G3BP2: variants seen among roughly 807,000 people sequenced by gnomAD.
The protein encoded by G3BP2 is ras GTPase-activating protein-binding protein 2.
A neutral mutation model predicts 56.7 loss-of-function variants in G3BP2; 11 were observed. The observed-to-expected ratio is 0.19, with a 90% confidence interval of 0.12 to 0.32. The LOEUF (loss-of-function observed/expected upper bound fraction) is 0.32. G3BP2 is among the 10% of genes least tolerant of loss of function. The pLI, the probability that G3BP2 is intolerant of heterozygous loss-of-function variation, is 1.00. For missense variants in G3BP2, 340 were observed against 610.9 expected, an observed-to-expected ratio of 0.56 and a Z score of 4.67; for synonymous variants, 165 against 191.6, an observed-to-expected ratio of 0.86 and a Z score of 1.15.
At chr4:75,681,576 G>A (rs150391219) in intron 3 of G3BP2, among the ~76,000 whole-genome samples, 1,848 of 152,134 alleles carry the variant, frequency 0.012, 42 homozygotes, top group African/African-American at 0.043. Context: ...CAGGCCAGGC[G>A]TGGTGGCTCA....
At chr4:75,653,274 T>G (rs1213499916) in intron 8 of G3BP2, among the ~76,000 whole-genome samples, 1 of 152,168 alleles carries the variant, frequency 6.6e-6, no homozygotes, top group Non-Finnish European at 1.5e-5. Flanking sequence ...TCTAGTGGAA[T>G]GAAGTTTAAT....
chr4:75,686,829 T>C (rs1187571338), intron 3 of G3BP2, among the ~76,000 whole-genome samples: 1 of 152,224 alleles, frequency 6.6e-6, no homozygotes, highest in Non-Finnish European at 1.5e-5. Flanking sequence ...CCTATTTCTA[T>C]GGTGAGCAAA....
In G3BP2 at chr4:75,695,261, G is replaced by A. The variant is rs538807006; in HGVS notation, c.-25+25616C>T. On this transcript the variant is annotated intron_variant, in intron 3 of 3. Coordinates refer to the G3BP2 transcript ENST00000499709. ...TGGCTGCAGCCACTCAGGTGCCCCA[G>A]GGTCCATTCAGGCCTGCCTGATTTG... is the stretch of plus-strand genomic sequence containing the variant. Among the ~76,000 whole-genome samples the A allele has an allele frequency of 2.0e-4, 30 of 152,308 alleles. No homozygotes were observed. In the East Asian group the frequency reaches 5.6e-3, roughly 28 times the overall value.
chr4:75,713,831 G>A (rs1203080127), intron 3 of G3BP2, among the ~76,000 whole-genome samples: 2 of 152,022 alleles, frequency 1.3e-5, no homozygotes, highest in Non-Finnish European at 2.9e-5. Flanking sequence ...ACTAATAATG[G>A]GAAAAATAGA....
intron 3 of G3BP2, among the ~76,000 whole-genome samples, chr4:75,701,420 C>G (rs1719338544): frequency 1.7e-5 from 1 of 59,356 alleles, no homozygotes; most frequent in Admixed American, 2.0e-4. Flanking sequence ...GCCACCACAC[C>G]TGGCTAATTT....
intron 3 of G3BP2, among the ~76,000 whole-genome samples, chr4:75,717,150 A>C (rs1719959148): frequency 6.6e-6 from 1 of 152,012 alleles, no homozygotes; most frequent in South Asian, 2.1e-4. Context: ...TCATTAAAAA[A>C]CTGGAATTAT....
At chr4:75,706,591 C>T (rs1368409416) in intron 3 of G3BP2, among the ~76,000 whole-genome samples, 3 of 150,388 alleles carry the variant, frequency 2.0e-5, no homozygotes, top group Admixed American at 6.7e-5. Flanking sequence ...GTAGTAGAAT[C>T]GCTTGAACCT....
At chr4:75,679,181 A>G (rs1256395866) in intron 3 of G3BP2, among the ~76,000 whole-genome samples, 3 of 152,206 alleles carry the variant, frequency 2.0e-5, no homozygotes, top group South Asian at 4.1e-4. Context: ...ATGAACTTTT[A>G]TAGACTTTGA....
intron 3 of G3BP2, among the ~76,000 whole-genome samples, chr4:75,700,135 C>A (rs1719281310): frequency 6.6e-6 from 1 of 152,012 alleles, no homozygotes; most frequent in Non-Finnish European, 1.5e-5. Context: ...CTCACTGCAA[C>A]CTCTGACTCC....
intron 11 of G3BP2, among the ~76,000 whole-genome samples, chr4:75,645,932 T>C (rs575936438): frequency 6.6e-6 from 1 of 152,172 alleles, no homozygotes; most frequent in East Asian, 1.9e-4. Flanking sequence ...CACCTCAGCC[T>C]CCTGAGTAGC....
intron 3 of G3BP2, among the ~76,000 whole-genome samples, chr4:75,690,043 CT>C (rs1426413738): frequency 6.6e-6 from 1 of 152,116 alleles, no homozygotes; most frequent in South Asian, 2.1e-4. Context: ...ATGGTTTATG[CT>C]TTTTTCTGTA....
chr4:75,646,895 T>G (rs747976721), intron 10 of G3BP2, 134 bp downstream of exon 10: 1 of 581,236 alleles, frequency 1.7e-6, no homozygotes, highest in Non-Finnish European at 3.0e-6. Flanking sequence ...TCTGCACAAT[T>G]AAGGTGGGTC....
At chr4:75,673,152 T>C (rs1733642035) in intron 1 of G3BP2, 56 bp downstream of exon 1, 1 of 1,142,830 alleles carries the variant, frequency 8.8e-7, no homozygotes, top group Non-Finnish European at 1.1e-6. Context: ...GGAGCGCGAA[T>C]GGAATGTCCC....
intron 3 of G3BP2, among the ~76,000 whole-genome samples, chr4:75,701,122 C>T (rs1417411492): frequency 6.6e-6 from 1 of 152,042 alleles, no homozygotes; most frequent in East Asian, 1.9e-4. Flanking sequence ...GGATTACAGG[C>T]GTGAGCCACC....
chr4:75,710,913 C>T (rs1003594906), intron 3 of G3BP2, among the ~76,000 whole-genome samples: 2 of 152,138 alleles, frequency 1.3e-5, no homozygotes, highest in African/African-American at 4.8e-5. Flanking sequence ...ATCCTTCTGC[C>T]TTGGCCTCCC....
At chr4:75,696,805 C>G (rs1213539835) in intron 3 of G3BP2, among the ~76,000 whole-genome samples, 1 of 152,148 alleles carries the variant, frequency 6.6e-6, no homozygotes, top group Non-Finnish European at 1.5e-5. Flanking sequence ...TTACATAACA[C>G]AGGTCCATGT....
At chr4:75,679,569 G>GTAGATTT (rs1443490857) in intron 3 of G3BP2, among the ~76,000 whole-genome samples, 1 of 152,130 alleles carries the variant, frequency 6.6e-6, no homozygotes, top group East Asian at 1.9e-4. Context: ...GCTATAGGTG[G>GTAGATTT]TAGATTTTAG....
chr4:75,653,565 T>C (rs1191549916), intron 8 of G3BP2, among the ~76,000 whole-genome samples: 1 of 143,608 alleles, frequency 7.0e-6, no homozygotes, highest in East Asian at 2.0e-4. Context: ...TTAAAAAGTT[T>C]CCTGGTTTTT....
intron 3 of G3BP2, among the ~76,000 whole-genome samples, chr4:75,688,476 C>T (rs1718715859): frequency 6.6e-6 from 1 of 152,184 alleles, no homozygotes; most frequent in South Asian, 2.1e-4. Flanking sequence ...GCTTTGAATG[C>T]TCTGTTTTCA....
Sources: gnomAD v4.1 joint callset for allele counts (sites outside exome capture counted in the v4.1 genomes callset) on GRCh38, gnomAD v4.1.1 for gene constraint, MANE v1.5 for transcripts, NCBI Gene and HGNC (gene_info 2026-07-23, HGNC 2026-07-21) for gene names.